DPYD: variants seen among roughly 807,000 people sequenced by gnomAD.
DPYD encodes the protein dihydropyrimidine dehydrogenase [NADP(+)].
A neutral mutation model predicts 116.2 loss-of-function variants in DPYD; 109 were observed. That is an observed-to-expected ratio of 0.94 (90% CI 0.80 to 1.10). The LOEUF is 1.10. Ranked by LOEUF, DPYD falls within the 50% of genes least tolerant of loss-of-function variation. DPYD has a pLI of 0.00. For missense variants in DPYD, 1,302 were observed against 1,254.5 expected, an observed-to-expected ratio of 1.04 and a Z score of -0.57; for synonymous variants, 440 against 432.0, an observed-to-expected ratio of 1.02 and a Z score of -0.23.
intron 15 of DPYD, 35 bp from the exon 16 acceptor site, chr1:97,373,679 A>C (rs1671429028): frequency 6.3e-7 from 1 of 1,585,916 alleles, no homozygotes; most frequent in Non-Finnish European, 8.7e-7. Flanking sequence ...AGAAAAGGCA[A>C]AGCTTTATTT....
chr1:97,203,673 C>G (rs1393573038), intron 19 of DPYD, among the ~76,000 whole-genome samples: 1 of 50,252 alleles, frequency 2.0e-5, no homozygotes, highest in Non-Finnish European at 3.6e-5. Context: ...CCCCCCCCCC[C>G]CAAAAAAAAA....
At chr1:97,082,853 T>C (rs565182033) in intron 21 of DPYD, among the ~76,000 whole-genome samples, 2 of 152,266 alleles carry the variant, frequency 1.3e-5, no homozygotes, top group Non-Finnish European at 2.9e-5. Flanking sequence ...CAAAGGGTAA[T>C]ACACTATGCT....
intron 4 of DPYD, among the ~76,000 whole-genome samples, chr1:97,736,288 A>G (rs1364096703): frequency 1.3e-5 from 2 of 152,074 alleles, no homozygotes; most frequent in African/African-American, 2.4e-5. Flanking sequence ...TATGAAGTGG[A>G]AAAATAATAA....
chr1:97,406,306 T>A (rs922244765), intron 14 of DPYD, among the ~76,000 whole-genome samples: 8 of 149,366 alleles, frequency 5.4e-5, no homozygotes, highest in Non-Finnish European at 3.0e-5. Flanking sequence ...ATTAATTTAT[T>A]TTTTATTTTT....
chr1:97,780,003 C>T (rs943027834), intron 3 of DPYD, among the ~76,000 whole-genome samples: 8 of 152,152 alleles, frequency 5.3e-5, no homozygotes, highest in Non-Finnish European at 8.8e-5. Context: ...ACTTACATAA[C>T]TTAATTTCTA....
chr1:97,852,882 T>C (rs1366170634), intron 2 of DPYD, among the ~76,000 whole-genome samples: 1 of 152,210 alleles, frequency 6.6e-6, no homozygotes. Flanking sequence ...CACTGGAAGC[T>C]ACTTTAGCAA....
At chr1:97,790,609 C>A (rs889494983) in intron 3 of DPYD, among the ~76,000 whole-genome samples, 15 of 152,110 alleles carry the variant, frequency 9.9e-5, no homozygotes, top group Admixed American at 9.8e-4. Flanking sequence ...TGGATAATAC[C>A]ATATGTTGAA....
chr1:97,796,514 G>A (rs1309400294), intron 3 of DPYD, among the ~76,000 whole-genome samples: 1 of 152,018 alleles, frequency 6.6e-6, no homozygotes, highest in African/African-American at 2.4e-5. Context: ...ACATATATGA[G>A]ATGCCTTCAC....
intron 13 of DPYD, among the ~76,000 whole-genome samples, chr1:97,481,496 C>T (rs1325630594): frequency 6.6e-6 from 1 of 152,000 alleles, no homozygotes; most frequent in Non-Finnish European, 1.5e-5. Flanking sequence ...ATGAACATTT[C>T]ACAGTGACAA....
At chr1:97,847,521 C>A (rs1456736876) in intron 2 of DPYD, among the ~76,000 whole-genome samples, 5 of 152,010 alleles carry the variant, frequency 3.3e-5, no homozygotes, top group Non-Finnish European at 5.9e-5. Flanking sequence ...TATTGTCAGG[C>A]AGGGAATAAA....
intron 20 of DPYD, among the ~76,000 whole-genome samples, chr1:97,127,044 T>G (rs897002844): frequency 2.6e-5 from 4 of 152,122 alleles, no homozygotes; most frequent in African/African-American, 9.7e-5. Flanking sequence ...ACAGTCTAAT[T>G]GAAAAGGGAA....
intron 6 of DPYD, among the ~76,000 whole-genome samples, chr1:97,692,610 T>C (rs899393264): frequency 6.6e-6 from 1 of 152,202 alleles, no homozygotes; most frequent in African/African-American, 2.4e-5. Context: ...TAAAAGTGAA[T>C]AGTGCCAGGC....
intron 13 of DPYD, among the ~76,000 whole-genome samples, chr1:97,482,441 C>T (rs376049823): frequency 1.3e-5 from 2 of 152,180 alleles, no homozygotes; most frequent in Admixed American, 6.5e-5. Context: ...GAATGAAGAA[C>T]TTGAAGGAAA....
At chr1:97,412,104 G>A (rs534225501) in intron 14 of DPYD, among the ~76,000 whole-genome samples, 1 of 152,216 alleles carries the variant, frequency 6.6e-6, no homozygotes. Flanking sequence ...AATTCAACTA[G>A]TCATTTCATA....
At chr1:97,165,602 C>A (rs937454468) in intron 20 of DPYD, among the ~76,000 whole-genome samples, 4 of 151,886 alleles carry the variant, frequency 2.6e-5, no homozygotes, top group African/African-American at 9.7e-5. Flanking sequence ...AGCTTCTGCA[C>A]AGAAAAAGAG....
intron 12 of DPYD, among the ~76,000 whole-genome samples, chr1:97,530,584 A>C (rs1262122795): frequency 1.3e-5 from 2 of 152,190 alleles, no homozygotes; most frequent in African/African-American, 4.8e-5. Flanking sequence ...GTTGCAGTGA[A>C]CATGTGGGTG....
At chr1:97,294,505 G>T (rs1666402507) in intron 18 of DPYD, among the ~76,000 whole-genome samples, 1 of 152,110 alleles carries the variant, frequency 6.6e-6, no homozygotes, top group South Asian at 2.1e-4. Flanking sequence ...TGCAAGCTCA[G>T]TTGAAATTAT....
intron 3 of DPYD, among the ~76,000 whole-genome samples, chr1:97,779,077 T>C (rs955843421): frequency 1.3e-5 from 2 of 152,142 alleles, no homozygotes; most frequent in Non-Finnish European, 2.9e-5. Context: ...TTAGCTCTAT[T>C]GAAAGCAACC....
chr1:97,709,853 T>C (rs556525345), intron 5 of DPYD, among the ~76,000 whole-genome samples: 1 of 151,968 alleles, frequency 6.6e-6, no homozygotes, highest in African/African-American at 2.4e-5. Flanking sequence ...ACATAAATGT[T>C]TGATAGCTGT....
Sources: allele counts gnomAD v4.1 joint callset (sites outside exome capture counted in the v4.1 genomes callset), GRCh38; gene constraint gnomAD v4.1.1; transcripts MANE v1.5; gene names NCBI Gene and HGNC (gene_info 2026-07-23, HGNC 2026-07-21).